TPPP: variants seen among roughly 807,000 people sequenced by gnomAD.
TPPP encodes the protein tubulin polymerization-promoting protein.
In TPPP, 6 loss-of-function variants were observed where a neutral mutation model predicts 15.5. The ratio of observed to expected loss-of-function variants is 0.39; its 90% CI spans 0.21 to 0.77. TPPP has a LOEUF of 0.77. Ranked by LOEUF, TPPP falls within the 30% of genes least tolerant of loss-of-function variation. TPPP has a pLI of 0.42. For synonymous variants in TPPP, 146 were observed against 133.9 expected (o/e 1.09, Z -0.63); for missense variants, 269 against 307.2 (o/e 0.88, Z 0.93).
At chr5:669,134 C>T (rs1740086808) in intron 2 of TPPP, among the ~76,000 whole-genome samples, 2 of 152,214 alleles carry the variant, frequency 1.3e-5, no homozygotes, top group African/African-American at 4.8e-5. Flanking sequence ...GGAGCGGAGG[C>T]CTCGCTGTGT....
At chr5:685,944 G>A (rs1001289928) in intron 1 of TPPP, among the ~76,000 whole-genome samples, 6 of 152,210 alleles carry the variant, frequency 3.9e-5, no homozygotes, top group South Asian at 2.1e-4. Context: ...GGCCACAGAC[G>A]CCGGGGCTGC....
the TPPP span, among the ~76,000 whole-genome samples, chr5:699,056 G>A: frequency 1.3e-5 from 2 of 151,882 alleles, no homozygotes; most frequent in African/African-American, 4.8e-5. Context: ...TGGATTGGAA[G>A]AATCAATATT....
chr5:667,343 G>A (rs1030212044), intron 2 of TPPP, among the ~76,000 whole-genome samples: 1 of 152,200 alleles, frequency 6.6e-6, no homozygotes, highest in Non-Finnish European at 1.5e-5. Context: ...TTCCACAAGT[G>A]GAGCTGGAGC....
At chr5:668,942 C>T (rs1397680342) in intron 2 of TPPP, among the ~76,000 whole-genome samples, 5 of 152,192 alleles carry the variant, frequency 3.3e-5, no homozygotes, top group Non-Finnish European at 5.9e-5. Flanking sequence ...TTCCCAGACC[C>T]CAAGGCGGAT....
At chr5:696,325 C>T (rs1218990919), upstream of TPPP, among the ~76,000 whole-genome samples, 7 of 124,910 alleles carry the variant, frequency 5.6e-5, no homozygotes, top group Admixed American at 2.4e-4. Flanking sequence ...CTCACGCGGA[C>T]AGCAGCAGAC....
At chr5:673,056 G>T (rs1740278137) in intron 2 of TPPP, among the ~76,000 whole-genome samples, 1 of 152,164 alleles carries the variant, frequency 6.6e-6, no homozygotes, top group Non-Finnish European at 1.5e-5. Context: ...GCAGCTTTCT[G>T]CAGTACCGAA....
intron 2 of TPPP, among the ~76,000 whole-genome samples, chr5:667,712 T>A (rs577743520): frequency 2.1e-4 from 31 of 150,936 alleles, no homozygotes; most frequent in African/African-American, 7.4e-4. Context: ...AGAAAAAAAA[T>A]CCATGTGAAA....
At chr5:677,726 G>C (rs751456642) in intron 2 of TPPP, 24 bp downstream of exon 2, 2 of 1,521,576 alleles carry the variant, frequency 1.3e-6, no homozygotes, top group Non-Finnish European at 1.8e-6. Context: ...CAGGTCCCTC[G>C]GCCCGTGAGC....
intron 2 of TPPP, among the ~76,000 whole-genome samples, chr5:669,657 C>A (rs561738534): frequency 1.3e-5 from 2 of 152,212 alleles, no homozygotes; most frequent in African/African-American, 4.8e-5. Context: ...AGTCACTCGG[C>A]GGGAGGGGGA....
chr5:693,976 C>G (rs1386167126), upstream of TPPP, among the ~76,000 whole-genome samples: 3 of 147,072 alleles, frequency 2.0e-5, no homozygotes, highest in African/African-American at 5.0e-5. Flanking sequence ...GGGTCCGTGC[C>G]GGGCGCCCAG....
chr5:688,966 G>T (rs1392476693), intron 1 of TPPP, among the ~76,000 whole-genome samples: 1 of 107,324 alleles, frequency 9.3e-6, no homozygotes, highest in African/African-American at 3.0e-5. Flanking sequence ...CCCCGGGGCT[G>T]GCTGGGGCCT....
the TPPP span, among the ~76,000 whole-genome samples, chr5:698,758 C>T: frequency 6.6e-6 from 1 of 151,980 alleles, no homozygotes; most frequent in African/African-American, 2.4e-5. Context: ...TGGGTGCGGA[C>T]ACAGCCAAAC....
At chr5:697,649 C>T (rs1741038572), upstream of TPPP, among the ~76,000 whole-genome samples, 2 of 152,072 alleles carry the variant, frequency 1.3e-5, no homozygotes, top group Admixed American at 6.6e-5. Flanking sequence ...TGGTCAGCTT[C>T]TGTCCCTGTA....
At chr5:670,183 G>A (rs1254113925) in intron 2 of TPPP, among the ~76,000 whole-genome samples, 1 of 152,152 alleles carries the variant, frequency 6.6e-6, no homozygotes, top group African/African-American at 2.4e-5. Flanking sequence ...GAGGACTGAG[G>A]CCTGTTCCTC....
intron 2 of TPPP, among the ~76,000 whole-genome samples, chr5:675,547 G>A (rs1172935539): frequency 8.2e-5 from 12 of 146,122 alleles, no homozygotes; most frequent in South Asian, 2.2e-4. Flanking sequence ...ATGCCGTGTG[G>A]CCGGGGGTGC....
chr5:674,307 G>GA (rs1740329643), intron 2 of TPPP, among the ~76,000 whole-genome samples: 1 of 152,060 alleles, frequency 6.6e-6, no homozygotes, highest in African/African-American at 2.4e-5. Context: ...ACGGGGCTGG[G>GA]TCCCCTCCAA....
At chr5:675,062 G>C (rs1283032591) in intron 2 of TPPP, among the ~76,000 whole-genome samples, 7 of 100,420 alleles carry the variant, frequency 7.0e-5, no homozygotes, top group Non-Finnish European at 6.4e-5. Context: ...TGGGGGTGCA[G>C]TGTGGCCAGG....
upstream of TPPP, chr5:693,417 G>C (rs1361365518): frequency 9.9e-6 from 1 of 101,344 alleles, no homozygotes; most frequent in Non-Finnish European, 2.0e-5. Context: ...GCCCGGTCCC[G>C]GGCCCGCCCC....
At chr5:670,556 C>T (rs1223222517) in intron 2 of TPPP, among the ~76,000 whole-genome samples, 1 of 152,120 alleles carries the variant, frequency 6.6e-6, no homozygotes, top group African/African-American at 2.4e-5. Context: ...CTGCTGGGCC[C>T]CACGGGGGGA....
Sources: allele counts gnomAD v4.1 joint callset (sites outside exome capture counted in the v4.1 genomes callset), GRCh38; gene constraint gnomAD v4.1.1; transcripts MANE v1.5; gene names NCBI Gene and HGNC (gene_info 2026-07-23, HGNC 2026-07-21).